NRDC: variants seen among roughly 807,000 people sequenced by gnomAD.
NRDC encodes nardilysin.
A neutral mutation model predicts 147.1 loss-of-function variants in NRDC; 54 were observed. The ratio of observed to expected loss-of-function variants is 0.37; its 90% CI spans 0.29 to 0.46. The LOEUF (loss-of-function observed/expected upper bound fraction) is 0.46, where lower values mean the gene tolerates loss of function less well. NRDC is among the 20% of genes least tolerant of loss of function. The pLI is 1.00. For missense variants in NRDC, 1,082 were observed against 1,370.6 expected (o/e 0.79, Z 3.33); for synonymous variants, 440 against 482.1 (o/e 0.91, Z 1.14).
At chr1:51,814,478 T>C (rs1679868959) in intron 13 of NRDC, 73 bp downstream of exon 13, 3 of 1,431,406 alleles carry the variant, frequency 2.1e-6, no homozygotes, top group Admixed American at 1.9e-5. Context: ...GACTAAAGCA[T>C]GTCTACCGGC....
chr1:51,845,020 T>C (rs1681483486), intron 1 of NRDC, among the ~76,000 whole-genome samples: 1 of 152,174 alleles, frequency 6.6e-6, no homozygotes, highest in African/African-American at 2.4e-5. Context: ...TCAAAATTCA[T>C]CATTGGCTTC....
chr1:51,847,171 C>A (rs752518450), intron 1 of NRDC, among the ~76,000 whole-genome samples: 6 of 152,204 alleles, frequency 3.9e-5, no homozygotes, highest in Admixed American at 1.3e-4. Context: ...AATTCACAAA[C>A]CCTGAGCTAG....
chr1:51,790,590 A>C lies in NRDC; in HGVS notation c.3111T>G (p.Asp1037Glu). The change falls in exon 29 of 31, where the codon GAT (aspartate) becomes GAG (glutamate). Residue 1037 changes from aspartate (D) to glutamate (E), a missense_variant. Transcript: ENST00000352171. Reference protein sequence around the residue: ...CEDTHLGEEVDRNWNEVVTQQ... With the variant: ...CEDTHLGEEVERNWNEVVTQQ... ...GTGTAACCACTTCATTCCAGTTCCT[A>C]TCCACCTCCTCCCCAAGGTGGGTAT... 1 of 1,614,054 alleles carries C rather than the reference A, an allele frequency of 6.2e-7. No individual in the cohort carries two copies. Among genetic ancestry groups the C allele is most frequent in the Non-Finnish European group, 8.5e-7 (1 of 1,179,946 alleles).
chr1:51,861,209 C>T (rs957515852), intron 1 of NRDC, among the ~76,000 whole-genome samples: 1 of 148,770 alleles, frequency 6.7e-6, no homozygotes, highest in Non-Finnish European at 1.5e-5. Flanking sequence ...CTTGGCCTTC[C>T]AAAGTATGAG....
intron 1 of NRDC, among the ~76,000 whole-genome samples, chr1:51,856,647 G>A (rs1408110437): frequency 1.3e-5 from 2 of 152,154 alleles, no homozygotes; most frequent in Non-Finnish European, 2.9e-5. Context: ...GAACCTCCAC[G>A]TGTTGAGCCA....
chr1:51,878,010 C>T (rs1391310933), intron 1 of NRDC: 17 of 1,327,096 alleles, frequency 1.3e-5, no homozygotes, highest in East Asian at 3.0e-5. Context: ...TCAAAGAAAC[C>T]TTCATTCTTG....
chr1:51,791,784 A>G (rs1052197514), intron 26 of NRDC, 123 bp from the exon 27 acceptor site: 18 of 806,888 alleles, frequency 2.2e-5, no homozygotes, highest in Non-Finnish European at 3.4e-5. Context: ...GTCCTGAAAC[A>G]GGACCCAAAA....
At chr1:51,869,459 T>C (rs1571925487) in intron 1 of NRDC, among the ~76,000 whole-genome samples, 1 of 152,240 alleles carries the variant, frequency 6.6e-6, no homozygotes, top group East Asian at 1.9e-4. Flanking sequence ...TGAAAAACTA[T>C]AATTTAAGTA....
intron 1 of NRDC, among the ~76,000 whole-genome samples, chr1:51,876,350 T>C (rs905647103): frequency 6.6e-6 from 1 of 152,202 alleles, no homozygotes; most frequent in African/African-American, 2.4e-5. Context: ...AATATTTGCG[T>C]ATACGTAATG....
At chr1:51,794,361 T>TGGCC (rs1678787532) in intron 24 of NRDC, 111 bp downstream of exon 24, 1 of 1,062,908 alleles carries the variant, frequency 9.4e-7, no homozygotes, top group African/African-American at 1.6e-5. Context: ...AGAGGACAAA[T>TGGCC]GGCCCCAAGC....
intron 4 of NRDC, among the ~76,000 whole-genome samples, chr1:51,829,291 C>G (rs1055251187): frequency 3.3e-5 from 5 of 152,234 alleles, no homozygotes; most frequent in Admixed American, 6.5e-5. Flanking sequence ...AGTGATCCAC[C>G]TGCCTTGGCC....
At chr1:51,804,265 A>G (rs1679346858) in intron 19 of NRDC, among the ~76,000 whole-genome samples, 1 of 152,182 alleles carries the variant, frequency 6.6e-6, no homozygotes, top group African/African-American at 2.4e-5. Flanking sequence ...GGCTCTGTCT[A>G]CCCTCCAAGT....
At chr1:51,806,960 G>T in intron 17 of NRDC, 47 bp from the exon 18 acceptor site, 1 of 1,593,972 alleles carries the variant, frequency 6.3e-7, no homozygotes, top group Non-Finnish European at 8.5e-7. Context: ...TTCAGCAGGA[G>T]CCCCAGTAAT....
At chr1:51,827,903 T>G in intron 4 of NRDC, 34 bp from the exon 5 acceptor site, 1 of 1,562,148 alleles carries the variant, frequency 6.4e-7, no homozygotes, top group South Asian at 1.1e-5. Context: ...TTTCCGTTTT[T>G]GTTCACTTTC....
At chr1:51,827,612 A>G (rs1296188647) in intron 5 of NRDC, among the ~76,000 whole-genome samples, 184 bp downstream of exon 5, 3 of 152,072 alleles carry the variant, frequency 2.0e-5, no homozygotes, top group Admixed American at 6.6e-5. Flanking sequence ...CATCCTTTTC[A>G]TTTACTTCAA....
At chr1:51,790,356 G>A (rs1678549370) in intron 29 of NRDC, among the ~76,000 whole-genome samples, 177 bp downstream of exon 29, 3 of 151,550 alleles carry the variant, frequency 2.0e-5, no homozygotes. Context: ...AGCTCACGTG[G>A]CCACCTAAGG....
chr1:51,854,151 C>T (rs1322810540), intron 1 of NRDC, among the ~76,000 whole-genome samples: 3 of 152,026 alleles, frequency 2.0e-5, no homozygotes, highest in South Asian at 2.1e-4. Context: ...GGGTGGATCA[C>T]GAGGTCAGGA....
At chr1:51,816,608 CATCCCAAA>C (rs1224644825) in intron 10 of NRDC, among the ~76,000 whole-genome samples, 3 of 152,150 alleles carry the variant, frequency 2.0e-5, no homozygotes, top group African/African-American at 7.2e-5. Context: ...AGAGTACAAT[CATCCCAAA>C]ATTTAAGGGC....
chr1:51,827,721 A>G, intron 5 of NRDC, 75 bp downstream of exon 5: 1 of 1,122,428 alleles, frequency 8.9e-7, no homozygotes, highest in Non-Finnish European at 1.4e-6. Context: ...TCTAGAGATA[A>G]AGAAGGATAA....
Sources: allele counts gnomAD v4.1 joint callset (sites outside exome capture counted in the v4.1 genomes callset), GRCh38; gene constraint gnomAD v4.1.1; transcripts MANE v1.5; gene names NCBI Gene and HGNC (gene_info 2026-07-23, HGNC 2026-07-21).